Variants in DSCAML1 observed in about 807,000 individuals in gnomAD.
DSCAML1 encodes DS cell adhesion molecule like 1, also known as cell adhesion molecule DSCAML1.
DSCAML1 carries 38 observed loss-of-function variants against 200.5 expected under a neutral mutation model. That is an observed-to-expected ratio of 0.19 (90% CI 0.15 to 0.25). DSCAML1 has a LOEUF of 0.25. Ranked by LOEUF, DSCAML1 falls within the 10% of genes least tolerant of loss-of-function variation. The pLI, the probability that DSCAML1 is intolerant of heterozygous loss-of-function variation, is 1.00. For missense variants in DSCAML1, 2,223 were observed against 2,858.8 expected, an observed-to-expected ratio of 0.78 and a Z score of 5.07; for synonymous variants, 1,215 against 1,165.0, an observed-to-expected ratio of 1.04 and a Z score of -0.87.
At chr11:117,513,036 C>T (rs1038938331) in intron 8 of DSCAML1, among the ~76,000 whole-genome samples, 3 of 152,150 alleles carry the variant, frequency 2.0e-5, no homozygotes, top group Non-Finnish European at 4.4e-5. Flanking sequence ...AGCCAACAAA[C>T]CCGACCAAAT....
At chr11:117,793,546 C>G (rs1486837943) in intron 1 of DSCAML1, among the ~76,000 whole-genome samples, 1 of 152,142 alleles carries the variant, frequency 6.6e-6, no homozygotes, top group African/African-American at 2.4e-5. Flanking sequence ...AGGTCTGCAT[C>G]CCTCTGTCAT....
At chr11:117,704,996 C>T (rs1212598134) in intron 3 of DSCAML1, among the ~76,000 whole-genome samples, 4 of 152,106 alleles carry the variant, frequency 2.6e-5, no homozygotes, top group African/African-American at 9.7e-5. Flanking sequence ...AGTGTGCGCC[C>T]CGGATGTGTG....
chr11:117,593,354 C>T lies in DSCAML1; in HGVS notation c.512-60832G>A, dbSNP rs767510116. The stretch of plus-strand genomic sequence containing the variant: ...GCAGCCACAGAGCTGCCTCCCCGTG[C>T]ACCTCGCTGGGGCCTGGGGGCCTGG... On this transcript the variant is annotated intron_variant, in intron 3 of 32. Transcript: ENST00000651296. Among the ~76,000 whole-genome samples the T allele has an allele frequency of 8.4e-4, 128 of 152,366 alleles. 1 individual carries two copies. Among genetic ancestry groups the T allele is most frequent in the Non-Finnish European group, 4.7e-4 (32 of 68,040 alleles).
chr11:117,702,011 AC>A (rs892318164), intron 3 of DSCAML1, among the ~76,000 whole-genome samples: 58 of 151,670 alleles, frequency 3.8e-4, no homozygotes, highest in African/African-American at 1.4e-3. Flanking sequence ...CGTGGATCCA[AC>A]CCCCTGACCT....
chr11:117,747,281 C>A (rs1396483993), intron 3 of DSCAML1, among the ~76,000 whole-genome samples: 1 of 152,156 alleles, frequency 6.6e-6, no homozygotes, highest in Non-Finnish European at 1.5e-5. Flanking sequence ...ATTTTCTTTT[C>A]TTTTTAGCAG....
intron 11 of DSCAML1, among the ~76,000 whole-genome samples, chr11:117,484,099 C>T (rs2048989440): frequency 6.7e-6 from 1 of 149,970 alleles, no homozygotes; most frequent in Non-Finnish European, 1.5e-5. Flanking sequence ...CCTTTCTCCT[C>T]CTTCCTTCCG....
At chr11:117,705,931 T>C (rs1464668341) in intron 3 of DSCAML1, among the ~76,000 whole-genome samples, 1 of 152,148 alleles carries the variant, frequency 6.6e-6, no homozygotes, top group Non-Finnish European at 1.5e-5. Flanking sequence ...GCGCCCTGGG[T>C]AGAATAGCAC....
chr11:117,737,288 T>G (rs141268204), intron 3 of DSCAML1, among the ~76,000 whole-genome samples: 22 of 152,326 alleles, frequency 1.4e-4, no homozygotes, highest in East Asian at 1.2e-3. Context: ...TGTAAAAGGC[T>G]TTTCAGGATT....
chr11:117,670,882 G>T (rs1474516049), intron 3 of DSCAML1, among the ~76,000 whole-genome samples: 1 of 152,184 alleles, frequency 6.6e-6, no homozygotes, highest in Non-Finnish European at 1.5e-5. Flanking sequence ...GTCTTCCTGG[G>T]CACGCAATAA....
intron 3 of DSCAML1, among the ~76,000 whole-genome samples, chr11:117,726,370 C>T (rs1316924419): frequency 4.0e-5 from 6 of 151,754 alleles, no homozygotes; most frequent in Non-Finnish European, 5.9e-5. Context: ...AGAGGAGGGA[C>T]ATCACCTTGG....
intron 3 of DSCAML1, among the ~76,000 whole-genome samples, chr11:117,570,215 A>G (rs971339045): frequency 2.6e-5 from 4 of 152,032 alleles, no homozygotes; most frequent in African/African-American, 9.7e-5. Context: ...ATGATGGGGT[A>G]GTTTTCGGGG....
At chr11:117,625,867 A>C (rs969053742) in intron 3 of DSCAML1, among the ~76,000 whole-genome samples, 1 of 152,200 alleles carries the variant, frequency 6.6e-6, no homozygotes, top group Non-Finnish European at 1.5e-5. Context: ...AAATGCCATC[A>C]ATGTCCCCTA....
intron 3 of DSCAML1, among the ~76,000 whole-genome samples, chr11:117,659,982 C>T (rs2052811180): frequency 6.6e-6 from 1 of 152,210 alleles, no homozygotes; most frequent in Non-Finnish European, 1.5e-5. Flanking sequence ...CCTTAGCCTC[C>T]CAAAGTGCCG....
chr11:117,592,761 G>A (rs143008634), intron 3 of DSCAML1, among the ~76,000 whole-genome samples: 2 of 152,226 alleles, frequency 1.3e-5, no homozygotes, highest in African/African-American at 4.8e-5. Flanking sequence ...GGCATACAGA[G>A]GTGATTCCAT....
chr11:117,652,820 T>C (rs1262092115), intron 3 of DSCAML1, among the ~76,000 whole-genome samples: 1 of 152,212 alleles, frequency 6.6e-6, no homozygotes, highest in Non-Finnish European at 1.5e-5. Context: ...AGGCATTCCC[T>C]GGCTTGGCAT....
chr11:117,548,582 A>T (rs527269819), intron 3 of DSCAML1, among the ~76,000 whole-genome samples: 41 of 152,340 alleles, frequency 2.7e-4, no homozygotes, highest in African/African-American at 7.9e-4. Flanking sequence ...GGACGGGGTC[A>T]TCTTTGTATT....
chr11:117,530,224 T>A (rs2050049489), intron 4 of DSCAML1, among the ~76,000 whole-genome samples: 1 of 152,054 alleles, frequency 6.6e-6, no homozygotes. Context: ...GGCCTCCAGT[T>A]CAAAGAATGT....
chr11:117,543,211 C>T (rs1327265010), intron 3 of DSCAML1, among the ~76,000 whole-genome samples: 1 of 152,204 alleles, frequency 6.6e-6, no homozygotes, highest in Non-Finnish European at 1.5e-5. Flanking sequence ...AAAAATCCTG[C>T]CATGATCAGT....
intron 3 of DSCAML1, among the ~76,000 whole-genome samples, chr11:117,703,146 G>A (rs953435169): frequency 3.3e-5 from 5 of 152,170 alleles, no homozygotes; most frequent in Admixed American, 2.6e-4. Context: ...AGAGCCTGCC[G>A]AGAATTTCAG....
Sources: gnomAD v4.1 joint callset for allele counts (sites outside exome capture counted in the v4.1 genomes callset) on GRCh38, gnomAD v4.1.1 for gene constraint, MANE v1.5 for transcripts, NCBI Gene and HGNC (gene_info 2026-07-23, HGNC 2026-07-21) for gene names.